The following UNC80 variants were observed in gnomAD, a reference collection of about 807,000 sequenced individuals.
UNC80 encodes protein unc-80 homolog.
In UNC80, 164 loss-of-function variants were observed where a neutral mutation model predicts 384.6. The ratio of observed to expected loss-of-function variants is 0.43; its 90% CI spans 0.38 to 0.49. UNC80 has a LOEUF of 0.49. Among genes scored for constraint, UNC80 ranks in the 20% least tolerant of loss-of-function variants. The probability of loss-of-function intolerance (pLI) is 0.00; values close to 1 mark genes in which losing one functional copy is unlikely to be tolerated. For synonymous variants in UNC80, 1,486 were observed against 1,527.8 expected (o/e 0.97, Z 0.64); for missense variants, 3,330 against 4,143.0 (o/e 0.80, Z 5.39).
At chr2:209,931,144 C>A in intron 38 of UNC80, 90 bp downstream of exon 38, 1 of 1,006,408 alleles carries the variant, frequency 9.9e-7, no homozygotes, top group Non-Finnish European at 1.5e-6. Context: ...CCATTAATTA[C>A]ATTACTAAAG....
At chr2:209,919,427 G>A (rs1469215926) in intron 33 of UNC80, among the ~76,000 whole-genome samples, 2 of 151,942 alleles carry the variant, frequency 1.3e-5, no homozygotes, top group Non-Finnish European at 2.9e-5. Context: ...GGTTTTTGAC[G>A]CATCTCACAA....
chr2:209,967,442 C>T lies in UNC80; in HGVS notation c.7811C>T (p.Ala2604Val). Reference sequence around the variant, plus strand: ...TACATATATATATATTTTAGGTTGGCAGAAATTGCACACTCCCTTCTGAAG... The same window carrying T: ...TACATATATATATATTTTAGGTTGGTAGAAATTGCACACTCCCTTCTGAAG... ...LLDVKSHMRL[A>V]EIAHSLLKLA... Residue 2604 changes from alanine to valine, a missense_variant, in exon 52 of 65, where the codon GCA (alanine) becomes GTA (valine). This residue lies in a region of UNC80 where 1,049 missense variants were observed against 1,488.6 expected (regional missense o/e 0.70). Transcript: ENST00000673920. 1 of 1,549,142 alleles carries T rather than the reference C, an allele frequency of 6.5e-7. No homozygotes were observed. The highest frequency in any genetic ancestry group is 8.7e-7 in the Non-Finnish European group (1 of 1,146,162).
At chr2:209,938,061 T>C (rs934087105) in intron 42 of UNC80, among the ~76,000 whole-genome samples, 6 of 152,116 alleles carry the variant, frequency 3.9e-5, no homozygotes, top group African/African-American at 1.4e-4. Context: ...AAACTAAAGT[T>C]CAAAGATTTG....
intron 17 of UNC80, among the ~76,000 whole-genome samples, chr2:209,834,640 C>T (rs1239558763): frequency 1.3e-5 from 2 of 152,040 alleles, no homozygotes; most frequent in African/African-American, 4.8e-5. Context: ...TATTAAATGC[C>T]ACTTAAAAAT....
intron 23 of UNC80, among the ~76,000 whole-genome samples, chr2:209,873,298 T>G (rs1293598960): frequency 6.6e-6 from 1 of 152,230 alleles, no homozygotes; most frequent in Non-Finnish European, 1.5e-5. Flanking sequence ...TGCTTCTAAT[T>G]GCTATATTCA....
At chr2:209,920,377 A>G (rs564953512) in intron 33 of UNC80, among the ~76,000 whole-genome samples, 24 of 152,300 alleles carry the variant, frequency 1.6e-4, no homozygotes, top group African/African-American at 5.5e-4. Flanking sequence ...ACATTACTTC[A>G]AGTGGATAGA....
rs535043041 is a variant in UNC80 at position 209,930,968 on chromosome 2, G to A, written c.5908G>A (p.Asp1970Asn). The change falls in exon 38 of 65, where the codon GAT becomes AAT. Residue 1970 changes from aspartate (D) to asparagine (N), a missense_variant and splice_region_variant. By Grantham distance (23) the Asp-to-Asn change is conservative (BLOSUM62 1). This residue lies in a region of UNC80 where 1,049 missense variants were observed against 1,488.6 expected (regional missense o/e 0.70). Transcript: ENST00000673920. The part of the protein sequence containing the change: ...LEKLTISNRQ[D>N]ELMYMLRKLL... Reference sequence around the variant, plus strand: ...ATTAAAAATTCTGTTCTTCTTTCAGGATGAGTTAATGTACATGCTGCGCAA... The same window carrying A: ...ATTAAAAATTCTGTTCTTCTTTCAGAATGAGTTAATGTACATGCTGCGCAA... 6.5e-7 allele frequency: 1 copy of A among 1,540,566 alleles called. No individual in the cohort carries two copies. The highest frequency in any genetic ancestry group is 8.8e-7 in the Non-Finnish European group (1 of 1,140,346).
chr2:209,995,222 A>G, intron 64 of UNC80, 107 bp from the exon 65 acceptor site: 1 of 1,393,654 alleles, frequency 7.2e-7, no homozygotes, highest in Non-Finnish European at 9.7e-7. Flanking sequence ...AACTGGGACT[A>G]GCCATCTGAT....
chr2:209,772,273 A>G, intron 1 of UNC80, 109 bp downstream of exon 1: 1 of 433,610 alleles, frequency 2.3e-6, no homozygotes, highest in Non-Finnish European at 3.6e-6. Context: ...CACAGCCTGC[A>G]GCTCCCTCTC....
chr2:209,908,430 A>G (rs1225115024), intron 29 of UNC80, among the ~76,000 whole-genome samples: 2 of 152,238 alleles, frequency 1.3e-5, no homozygotes, highest in Admixed American at 6.5e-5. Flanking sequence ...TTTAAAAAAC[A>G]AAATGTCATT....
chr2:209,824,095 T>C (rs1378316623), intron 13 of UNC80, among the ~76,000 whole-genome samples: 3 of 152,018 alleles, frequency 2.0e-5, no homozygotes, highest in Non-Finnish European at 2.9e-5. Flanking sequence ...TAGACTTGGG[T>C]CCTATTCCCA....
Position 209,945,181 on chromosome 2 carries a change from A to G in UNC80, c.7181A>G (p.Lys2394Arg), listed in dbSNP as rs2124983569. ...LELVKAEKPL[K>R]SLDFCYGNED... ...CTGGTCAAAGCTGAGAAGCCTCTCA[A>G]GTCATTAGGTAAAAGCAAAACTTGC... Residue 2394 changes from lysine (K) to arginine (R), a missense_variant, in exon 46 of 65, where the codon AAG becomes AGG. Physicochemically the swap from Lys to Arg is conservative, Grantham distance 26 (BLOSUM62 2). This residue lies in a region of UNC80 where 1,049 missense variants were observed against 1,488.6 expected (regional missense o/e 0.70). Coordinates refer to ENST00000673920, the MANE Select transcript of UNC80 (RefSeq NM_001371986.1). 6.5e-7 allele frequency: 1 copy of G among 1,547,908 alleles called. No individual in the cohort carries two copies. The highest frequency in any genetic ancestry group is 8.7e-7 in the Non-Finnish European group (1 of 1,145,906).
intron 4 of UNC80, among the ~76,000 whole-genome samples, chr2:209,783,415 C>T (rs965848513): frequency 6.6e-6 from 1 of 152,082 alleles, no homozygotes; most frequent in South Asian, 2.1e-4. Context: ...AAGATACCAA[C>T]ACAAGAGAAG....
chr2:209,820,511 A>G lies in UNC80; in HGVS notation c.2163A>G (p.Val721=), dbSNP rs771496935. 9.0e-6 allele frequency: 14 copies of G among 1,551,484 alleles called. No homozygotes were observed. The South Asian group carries it at 1.5e-4, about 17-fold the overall frequency. The part of the protein sequence containing the change: ...PSEGAFQFKG[V]SGSSTCGFGG... ...AGGGAGCTTTCCAATTCAAAGGAGT[A>G]TCTGGAAGTTCCACCTGTGGATTCG... The change falls in exon 13 of 65, where the codon GTA becomes GTG. Residue 721 remains valine (V), a synonymous_variant. Transcript: ENST00000673920.
rs1360788571 is a variant in UNC80, at chr2:209,926,981, T to C, written c.5801T>C (p.Val1934Ala). 5 of 1,551,594 alleles carry C rather than the reference T, an allele frequency of 3.2e-6. No individual in the cohort carries two copies. In the East Asian group the frequency reaches 1.2e-4, roughly 38 times the overall value. The change falls in exon 36 of 65, where the codon GTA (valine) becomes GCA (alanine). Residue 1934 changes from valine (V) to alanine (A), a missense_variant. By Grantham distance (64) the Val-to-Ala change is moderately conservative. This residue lies in a region of UNC80 where 1,049 missense variants were observed against 1,488.6 expected (regional missense o/e 0.70). Transcript: ENST00000673920. ...GATGGTGAGGTGCGGGAAGATGGAG[T>C]AGCAGGTACAGTTTTGAACAGTCAG... ...MEDGEVREDGVAVSAVAQQVL... is the reference protein window; with the variant it reads ...MEDGEVREDGAAVSAVAQQVL...
intron 7 of UNC80, chr2:209,809,418 C>A: frequency 1.4e-6 from 2 of 1,429,978 alleles, no homozygotes; most frequent in Non-Finnish European, 2.0e-6. Context: ...TCTCCTGTAC[C>A]CACTGCAGCC....
chr2:209,829,870 C>T (rs755441322), intron 15 of UNC80, among the ~76,000 whole-genome samples: 1 of 152,176 alleles, frequency 6.6e-6, no homozygotes, highest in Admixed American at 6.5e-5. Flanking sequence ...TTGACACACA[C>T]ATACTTAATT....
At chr2:209,877,706 A>G (rs964574822) in intron 23 of UNC80, among the ~76,000 whole-genome samples, 4 of 152,190 alleles carry the variant, frequency 2.6e-5, no homozygotes, top group Non-Finnish European at 5.9e-5. Context: ...AAACTTTTGT[A>G]CAAATATACA....
chr2:209,836,007 G>A (rs2081313096), intron 18 of UNC80, among the ~76,000 whole-genome samples: 1 of 152,158 alleles, frequency 6.6e-6, no homozygotes, highest in Non-Finnish European at 1.5e-5. Context: ...ATGGGCTCAG[G>A]GAACATGTGA....
Sources: allele counts gnomAD v4.1 joint callset (sites outside exome capture counted in the v4.1 genomes callset), GRCh38; gene constraint gnomAD v4.1.1; regional missense constraint gnomAD v4.1.1; transcripts MANE v1.5; gene names NCBI Gene and HGNC (gene_info 2026-07-23, HGNC 2026-07-21).